Variants in DTWD1 observed in about 807,000 individuals in gnomAD.
DTWD1 encodes DTW motif tRNA-uridine aminocarboxypropyltransferase 1.
Under a neutral mutation model 30.2 loss-of-function variants are expected in DTWD1, and 27 were observed. The observed-to-expected ratio is 0.90, with a 90% CI of 0.66 to 1.23. DTWD1 has a LOEUF of 1.23. Ranked by LOEUF, DTWD1 falls within the 50% of genes most tolerant of loss-of-function variation. The pLI, the probability that DTWD1 is intolerant of heterozygous loss-of-function variation, is 0.00. For synonymous variants in DTWD1, 99 were observed against 113.1 expected (o/e 0.88, Z 0.79); for missense variants, 342 against 348.8 (o/e 0.98, Z 0.15).
chr15:49,632,267 C>T lies in DTWD1; in HGVS notation c.373C>T (p.Pro125Ser). 6.3e-7 allele frequency: 1 copy of T among 1,590,212 alleles called. No homozygotes were observed. The highest frequency in any genetic ancestry group is 8.5e-7 in the Non-Finnish European group (1 of 1,174,464). The change falls in exon 3 of 5, where the codon CCG becomes TCG. Residue 125 changes from proline to serine, a missense_variant. Physicochemically the swap from Pro to Ser is moderately conservative, Grantham distance 74. Coordinates refer to ENST00000403028, the MANE Select transcript of DTWD1 (RefSeq NM_001144955.2). Reference protein sequence around the residue: ...APEFVNIYTYPCIPEYEEKDH... With the variant: ...APEFVNIYTYSCIPEYEEKDH... The stretch of plus-strand genomic sequence containing the variant: ...TGAATTTGTAAACATTTACACGTAT[C>T]CGTGTATTCCAGAATATGAAGAAAA...
chr15:49,623,663 T>C (rs1348008939), intron 1 of DTWD1: 9 of 152,168 alleles, frequency 5.9e-5, no homozygotes, highest in Non-Finnish European at 1.5e-5. Context: ...TGTATATGCA[T>C]TTTCTAGGGA....
chr15:49,631,194 G>A (rs562133294), intron 2 of DTWD1: 3 of 164,268 alleles, frequency 1.8e-5, no homozygotes, highest in East Asian at 3.3e-4. Context: ...TGTCTTCCAC[G>A]AAACCAGTCC....
chr15:49,653,141 A>T lies in DTWD1; in HGVS notation c.*9563A>T, dbSNP rs921347483. On this transcript the variant is annotated 3_prime_UTR_variant, in exon 5 of 5. Transcript: ENST00000403028. ...ACCATAACAAAAGGTTAAACCTTAC[A>T]TGGTAAAAAGGACTTTGCCTCTGTC... 2.0e-5 allele frequency: 3 copies of T among 152,180 alleles called. No homozygotes were observed. The highest frequency in any genetic ancestry group is 2.9e-5 in the Non-Finnish European group (2 of 68,032). 9.4% of individuals were successfully genotyped at this position (152,180 alleles called of 1,614,324 possible).
chr15:49,637,731 T>G (rs1415380857), intron 4 of DTWD1, among the ~76,000 whole-genome samples: 1 of 152,220 alleles, frequency 6.6e-6, no homozygotes, highest in Non-Finnish European at 1.5e-5. Flanking sequence ...CTGGGAGAGC[T>G]TCTCTCAGGC....
At position 49,625,285 on chromosome 15, in the gene DTWD1, T is replaced by C. The variant is rs758643779; in HGVS notation, c.118T>C (p.Cys40Arg). 34 of 1,613,560 alleles carry C rather than the reference T, an allele frequency of 2.1e-5. No homozygotes were observed. Among genetic ancestry groups the C allele is most frequent in the East Asian group, 6.7e-5 (3 of 44,808 alleles). Residue 40 changes from cysteine to arginine, a missense_variant, in exon 2 of 5, where the codon TGT becomes CGT. Cys to Arg is a radical substitution (Grantham distance 180). Transcript: ENST00000403028. The stretch of plus-strand genomic sequence containing the variant: ...TTCAGAAGATCCCCTTCAAAACTTA[T>C]GTTTAGCATCTCAAGAAGTTCTTCA... ...IASEDPLQNL[C>R]LASQEVLQKA... is the part of the protein sequence containing the mutation.
At chr15:49,632,387 A>G in intron 3 of DTWD1, 85 bp downstream of exon 3, 4 of 1,286,600 alleles carry the variant, frequency 3.1e-6, no homozygotes, top group Non-Finnish European at 4.3e-6. Flanking sequence ...TTACTCAAAC[A>G]TAATTTAATA....
intron 4 of DTWD1, among the ~76,000 whole-genome samples, chr15:49,639,067 T>G (rs1950235366): frequency 6.6e-6 from 1 of 152,172 alleles, no homozygotes; most frequent in South Asian, 2.1e-4. Context: ...GTGATAACTT[T>G]ATTCATATTA....
intron 4 of DTWD1, among the ~76,000 whole-genome samples, chr15:49,639,208 C>T (rs1256219687): frequency 2.6e-5 from 4 of 152,100 alleles, no homozygotes; most frequent in Non-Finnish European, 5.9e-5. Context: ...TGAGGCAGCA[C>T]TTTTGGAAGG....
At position 49,643,518 on chromosome 15, in the gene DTWD1, C is replaced by T. The variant is rs1192916013; in HGVS notation, c.855C>T (p.Tyr285=). 1.9e-6 allele frequency: 3 copies of T among 1,606,672 alleles called. No homozygotes were observed. Among genetic ancestry groups the T allele is most frequent in the Non-Finnish European group, 2.5e-6 (3 of 1,176,474 alleles). Residue 285 remains tyrosine, a synonymous_variant, in exon 5 of 5, where the codon TAC becomes TAT. Transcript: ENST00000403028. ...TTTTATTTTTCTATTCTTTTATGTA[C>T]CAGTTGATAAAGAATGCCAAATGCT... ...DNLLFFYSFM[Y]QLIKNAKCSG...
rs1187697087 is a variant in DTWD1 at position 49,651,669 on chromosome 15, T to C, written c.*8091T>C. 1.3e-5 allele frequency: 2 copies of C among 152,226 alleles called. No individual in the cohort carries two copies. Among genetic ancestry groups the C allele is most frequent in the Non-Finnish European group, 2.9e-5 (2 of 68,064 alleles). The allele number at this position is 152,226 out of a possible 1,614,324, so 9.4% of individuals were successfully genotyped here. A position where few individuals can be genotyped will look rare whatever the true frequency, so the allele number is the denominator to read the frequency against. ...TGGAAGGACCAGCATTTCCTTGTCA[T>C]AGAAATAGACACAATTTCCAGATAG... On this transcript the variant is annotated 3_prime_UTR_variant, in exon 5 of 5. Transcript: ENST00000403028.
intron 2 of DTWD1, among the ~76,000 whole-genome samples, chr15:49,628,914 A>G (rs1362319866): frequency 6.6e-6 from 1 of 152,072 alleles, no homozygotes; most frequent in African/African-American, 2.4e-5. Context: ...TTACATTGAT[A>G]CACATGTGCC....
At position 49,655,007 on chromosome 15, in the gene DTWD1, C is replaced by T. The variant is rs1417580383; in HGVS notation, c.*11429C>T. On this transcript the variant is annotated 3_prime_UTR_variant, in exon 5 of 5. Coordinates refer to ENST00000403028, the MANE Select transcript of DTWD1 (RefSeq NM_001144955.2). The stretch of plus-strand genomic sequence containing the variant: ...TATCTTTGTCCCCTTATAAGGGCAC[C>T]AATCTCATCATGGAGGGTCTTCAAC... 2 of 151,966 alleles carry T rather than the reference C, an allele frequency of 1.3e-5. No individual in the cohort carries two copies. The highest frequency in any genetic ancestry group is 2.9e-5 in the Non-Finnish European group (2 of 67,966). 9.4% of individuals were successfully genotyped at this position (151,966 alleles called of 1,614,324 possible).
In DTWD1 at chr15:49,655,378, A is replaced by C. The variant is rs1411804297; in HGVS notation, c.*11800A>C. ...TAGTAGAAGAGGGGGTAAGAAAGAA[A>C]GACTTATGAAGAAAAGACCTGTAGA... is the stretch of plus-strand genomic sequence containing the variant. On this transcript the variant is annotated 3_prime_UTR_variant, in exon 5 of 5. Transcript: ENST00000403028. 6.6e-6 allele frequency: 1 copy of C among 152,092 alleles called. No individual in the cohort carries two copies. The highest frequency in any genetic ancestry group is 2.4e-5 in the African/African-American group (1 of 41,442). 9.4% of individuals were successfully genotyped at this position (152,092 alleles called of 1,614,324 possible).
intron 3 of DTWD1, among the ~76,000 whole-genome samples, chr15:49,633,043 C>CTATATATATATATATATATATATA (rs368196512): frequency 2.3e-5 from 3 of 129,526 alleles, no homozygotes; most frequent in East Asian, 4.1e-4. Context: ...CTATTTATAT[C>CTATATATATATATATATATATATA]TATATCTATA....
chr15:49,637,852 G>A (rs893450198), intron 4 of DTWD1, among the ~76,000 whole-genome samples: 1 of 152,150 alleles, frequency 6.6e-6, no homozygotes, highest in Non-Finnish European at 1.5e-5. Flanking sequence ...GATTTAACGA[G>A]CTTAATTTAT....
intron 3 of DTWD1, 115 bp downstream of exon 3, chr15:49,632,417 A>C: frequency 3.0e-6 from 3 of 998,390 alleles, no homozygotes; most frequent in Non-Finnish European, 4.4e-6. Flanking sequence ...GTAAAGTATT[A>C]TGCTCAGGTA....
intron 4 of DTWD1, among the ~76,000 whole-genome samples, chr15:49,635,276 C>T (rs2078986255): frequency 1.3e-5 from 2 of 152,102 alleles, no homozygotes; most frequent in South Asian, 4.1e-4. Context: ...CTCAGGTGAT[C>T]CTCCTGCCTT....
chr15:49,643,290 TTTTC>T (rs761113785), intron 4 of DTWD1, 37 bp from the exon 5 acceptor site: 34 of 1,425,338 alleles, frequency 2.4e-5, no homozygotes, highest in Middle Eastern at 2.6e-4. Context: ...TATTTATATT[TTTTC>T]TTTCTTTCTT....
chr15:49,626,825 C>G, intron 2 of DTWD1: 1 of 425,970 alleles, frequency 2.3e-6, no homozygotes, highest in Non-Finnish European at 4.8e-6. Flanking sequence ...AGTTTACTAG[C>G]CAAGAATAAG....
Sources: gnomAD v4.1 joint callset for allele counts (sites outside exome capture counted in the v4.1 genomes callset) on GRCh38, gnomAD v4.1.1 for gene constraint, MANE v1.5 for transcripts, NCBI Gene and HGNC (gene_info 2026-07-23, HGNC 2026-07-21) for gene names.